The following ALG6 variants were observed in gnomAD, a reference collection of about 807,000 sequenced individuals.
ALG6 encodes dolichyl pyrophosphate Man9GlcNAc2 alpha-1,3-glucosyltransferase.
In ALG6, 46 loss-of-function variants were observed where a neutral mutation model predicts 66.6. That is an observed-to-expected ratio of 0.69 (90% CI 0.55 to 0.88). The LOEUF (loss-of-function observed/expected upper bound fraction) is 0.88, where lower values mean the gene tolerates loss of function less well. Among genes scored for constraint, ALG6 ranks in the 40% least tolerant of loss-of-function variants. The pLI is 0.00. For missense variants in ALG6, 505 were observed against 586.8 expected, an observed-to-expected ratio of 0.86 and a Z score of 1.44; for synonymous variants, 185 against 203.7, an observed-to-expected ratio of 0.91 and a Z score of 0.78.
intron 7 of ALG6, among the ~76,000 whole-genome samples, chr1:63,408,266 A>G (rs947664409): frequency 2.6e-5 from 4 of 152,116 alleles, no homozygotes; most frequent in African/African-American, 9.7e-5. Flanking sequence ...CATAGTAAGT[A>G]TTCTTTTGTG....
At chr1:63,406,472 CT>C in intron 6 of ALG6, 73 bp downstream of exon 6, 1 of 1,285,182 alleles carries the variant, frequency 7.8e-7, no homozygotes, top group Non-Finnish European at 1.1e-6. Context: ...AAGTATAGAC[CT>C]TAGAGAAGCC....
chr1:63,380,588 C>T (rs764850660), intron 2 of ALG6, among the ~76,000 whole-genome samples: 3 of 151,934 alleles, frequency 2.0e-5, no homozygotes. Flanking sequence ...ATTATTTTCT[C>T]GTTTATTTTA....
intron 1 of ALG6, among the ~76,000 whole-genome samples, chr1:63,367,890 G>A (rs1213307340): frequency 6.6e-6 from 1 of 152,192 alleles, no homozygotes; most frequent in East Asian, 1.9e-4. Context: ...GATAGTGGTG[G>A]CACTTGCAGG....
intron 14 of ALG6, among the ~76,000 whole-genome samples, chr1:63,430,031 C>A (rs556251709): frequency 1.3e-5 from 2 of 152,018 alleles, no homozygotes; most frequent in African/African-American, 2.4e-5. Flanking sequence ...TACAGGCATG[C>A]GCCACCATGC....
At chr1:63,375,056 T>C in intron 2 of ALG6, among the ~76,000 whole-genome samples, 1 of 151,838 alleles carries the variant, frequency 6.6e-6, no homozygotes, top group East Asian at 2.0e-4. Flanking sequence ...AAAAGAAAAA[T>C]TAGGCATGAT....
intron 2 of ALG6, among the ~76,000 whole-genome samples, chr1:63,379,287 C>T (rs935558757): frequency 6.6e-6 from 1 of 152,138 alleles, no homozygotes; most frequent in Non-Finnish European, 1.5e-5. Context: ...AAAAATCAAA[C>T]TAAATTAGCA....
Position 63,426,498 on chromosome 1 carries a change from G to A in ALG6, c.1059-2235G>A, listed in dbSNP as rs558659935. ...AATTGTAAGTACTTTGAGGTTAGGA[G>A]CTGAGTTATAATCATCTTTGTATTC... On this transcript the variant is annotated intron_variant, in intron 12 of 14. Coordinates refer to ENST00000263440, the MANE Select transcript of ALG6 (RefSeq NM_013339.4). 9.4e-4 allele frequency among the ~76,000 whole-genome samples: 143 copies of A among 152,260 alleles called. 4 individuals carry two copies. In the South Asian group the frequency reaches 0.029, roughly 31 times the overall value.
chr1:63,370,802 A>T lies in ALG6; in HGVS notation c.-176A>T. ...TCTACATAGACATAATCAAGTTTTGACTATTTGGAAACCAAGCATCATTAA... is the reference window on the plus strand; with the variant it reads ...TCTACATAGACATAATCAAGTTTTGTCTATTTGGAAACCAAGCATCATTAA... On this transcript the variant is annotated 5_prime_UTR_variant, in exon 2 of 15. Transcript: ENST00000263440. 1 of 639,932 alleles carries T rather than the reference A, an allele frequency of 1.6e-6. No homozygotes were observed. Among genetic ancestry groups the T allele is most frequent in the Non-Finnish European group, 2.8e-6 (1 of 355,188 alleles). The allele number at this position is 639,932 out of a possible 1,614,324, so 39.6% of individuals were successfully genotyped here.
intron 9 of ALG6, among the ~76,000 whole-genome samples, chr1:63,412,965 A>AAGATGGG (rs1280229800): frequency 5.3e-5 from 8 of 152,180 alleles, no homozygotes; most frequent in Admixed American, 1.3e-4. Context: ...GAAAGCGACT[A>AAGATGGG]AGATGGGAGT....
chr1:63,422,916 T>C (rs906125966), intron 12 of ALG6, among the ~76,000 whole-genome samples: 1 of 151,722 alleles, frequency 6.6e-6, no homozygotes, highest in Non-Finnish European at 1.5e-5. Flanking sequence ...GATTGCACCA[T>C]TGCATTCCAG....
At position 63,415,930 on chromosome 1, in the gene ALG6, C is replaced by T. The variant is rs1021710355; in HGVS notation, c.960C>T (p.Pro320=). 10 of 1,611,950 alleles carry T rather than the reference C, an allele frequency of 6.2e-6. No individual in the cohort carries two copies. The highest frequency in any genetic ancestry group is 1.3e-5 in the African/African-American group (1 of 74,936). The change falls in exon 11 of 15, where the codon CCC becomes CCT. Residue 320 remains proline (P), a synonymous_variant. Transcript: ENST00000263440. ...CATGCATAAAATTAATACTTCAGCCCTCTTCCAAAGGATTCAAATTTACAC... is the reference window on the plus strand; with the variant it reads ...CATGCATAAAATTAATACTTCAGCCTTCTTCCAAAGGATTCAAATTTACAC... ...LPACIKLILQ[P]SSKGFKFTLV...
intron 12 of ALG6, 76 bp from the exon 13 acceptor site, chr1:63,428,657 G>T (rs1644629555): frequency 1.8e-6 from 2 of 1,112,942 alleles, no homozygotes; most frequent in Admixed American, 4.2e-5. Flanking sequence ...CAGATAAAAT[G>T]TATTTATATT....
chr1:63,432,578 A>G (rs1644652149), intron 14 of ALG6, among the ~76,000 whole-genome samples: 1 of 152,232 alleles, frequency 6.6e-6, no homozygotes. Flanking sequence ...TATACATGCC[A>G]TTTTATCTGT....
intron 2 of ALG6, among the ~76,000 whole-genome samples, chr1:63,395,772 T>C (rs570253971): frequency 1.3e-5 from 2 of 152,328 alleles, no homozygotes; most frequent in East Asian, 3.9e-4. Context: ...GTTGACAGCC[T>C]TATGAAGTAA....
At chr1:63,432,260 G>GTTT (rs57560599) in intron 14 of ALG6, among the ~76,000 whole-genome samples, 1 of 150,858 alleles carries the variant, frequency 6.6e-6, no homozygotes, top group Non-Finnish European at 1.5e-5. Context: ...GGTCATGTGT[G>GTTT]TTTTTTTTCT....
intron 2 of ALG6, among the ~76,000 whole-genome samples, chr1:63,395,434 G>A (rs1033686029): frequency 4.6e-5 from 7 of 152,098 alleles, no homozygotes; most frequent in African/African-American, 7.2e-5. Flanking sequence ...GGTGGCTGAC[G>A]CCTATAATCC....
intron 3 of ALG6, among the ~76,000 whole-genome samples, chr1:63,398,282 A>T (rs1202583837): frequency 6.6e-6 from 1 of 152,128 alleles, no homozygotes; most frequent in Admixed American, 6.5e-5. Context: ...TTAGTAGGGG[A>T]ATGATTAAAT....
chr1:63,369,570 G>C (rs938448946), intron 1 of ALG6, among the ~76,000 whole-genome samples: 3 of 151,290 alleles, frequency 2.0e-5, no homozygotes, highest in African/African-American at 7.3e-5. Context: ...CAGAGGTTGC[G>C]GTGAGCCGAT....
intron 2 of ALG6, among the ~76,000 whole-genome samples, chr1:63,381,945 C>G (rs1224787228): frequency 1.3e-5 from 2 of 152,088 alleles, no homozygotes; most frequent in South Asian, 4.1e-4. Flanking sequence ...ATGTGATCAT[C>G]AGGCACTGTA....
Sources: allele counts gnomAD v4.1 joint callset (sites outside exome capture counted in the v4.1 genomes callset), GRCh38; gene constraint gnomAD v4.1.1; transcripts MANE v1.5; gene names NCBI Gene and HGNC (gene_info 2026-07-23, HGNC 2026-07-21).